Variants in AHRR observed in about 807,000 individuals in gnomAD.
The protein encoded by AHRR is ahR repressor.
Under a neutral mutation model 44.0 loss-of-function variants are expected in AHRR, and 28 were observed. That is an observed-to-expected ratio of 0.64 (90% CI 0.47 to 0.87). AHRR has a LOEUF of 0.87. AHRR is among the 40% of genes least tolerant of loss of function. AHRR has a pLI of 0.00. For synonymous variants in AHRR, 434 were observed against 407.0 expected, an observed-to-expected ratio of 1.07 and a Z score of -0.80; for missense variants, 990 against 953.9, an observed-to-expected ratio of 1.04 and a Z score of -0.50.
rs1464312840 is a variant in AHRR at position 340,697 on chromosome 5, T to A, written c.-10-3196T>A. On this transcript the variant is annotated intron_variant, in intron 1 of 10. Coordinates refer to ENST00000684583, the MANE Select transcript of AHRR (RefSeq NM_001377236.1). ...ATATATATATATATATATTTTTTTT[T>A]TTTTTTTTTTTTTTTTGAGTTGGAG... Among the ~76,000 whole-genome samples, 575 of 59,444 alleles carry A rather than the reference T, an allele frequency of 9.7e-3. 7 individuals carry two copies. Among genetic ancestry groups the A allele is most frequent in the Non-Finnish European group, 0.018 (454 of 25,380 alleles). The allele number at this position is 59,444 out of a possible 152,430, so 39.0% of individuals were successfully genotyped here.
intron 3 of AHRR, among the ~76,000 whole-genome samples, chr5:354,266 C>T (rs571237981): frequency 6.6e-6 from 1 of 152,338 alleles, no homozygotes; most frequent in East Asian, 1.9e-4. Context: ...CTGGGCCTCA[C>T]TGGGGCTTCC....
chr5:370,196 TGCCCCGTCCTCCCGGGCCCTCGCTGGAA>T lies in AHRR; in HGVS notation c.245-6387_245-6360del, dbSNP rs1163612761. 2.8e-3 allele frequency among the ~76,000 whole-genome samples: 106 copies of T among 37,844 alleles called. No homozygotes were observed. The highest frequency in any genetic ancestry group is 9.7e-3 in the African/African-American group (101 of 10,408). 24.8% of individuals were successfully genotyped at this position (37,844 alleles called of 152,430 possible). Reference sequence around the variant, plus strand: ...CCCCGTCCTCCCGGGCCCTCGCTGGTGCCCCGTCCTCCCGGGCCCTCGCTGGAAGCCCCGTCCTCCCGGGCCCTCGCTG... The same window carrying T: ...CCCCGTCCTCCCGGGCCCTCGCTGGTGCCCCGTCCTCCCGGGCCCTCGCTG... On this transcript the variant is annotated intron_variant, in intron 3 of 10. Coordinates refer to ENST00000684583, the MANE Select transcript of AHRR (RefSeq NM_001377236.1). The surrounding 1 kb of genome is among the most constrained non-coding windows in gnomAD (Gnocchi z 4.5).
At chr5:432,101 C>T (rs1354712585) in intron 8 of AHRR, 1 of 285,206 alleles carries the variant, frequency 3.5e-6, no homozygotes, top group Non-Finnish European at 6.7e-6. Context: ...GTGTTCACTT[C>T]CTGGAACATA....
Position 353,729 on chromosome 5 carries a change from G to A in AHRR, c.63-1G>A, listed in dbSNP as rs111551936. On this transcript the variant is annotated splice_acceptor_variant, in intron 2 of 10. Coordinates refer to ENST00000684583, the MANE Select transcript of AHRR (RefSeq NM_001377236.1). LOFTEE classifies it high-confidence loss of function. Reference sequence around the variant, plus strand: ...ACCTGACCCAGACCATCTCCCCACAGGAGGCCCGCCGTGGGGGCAGAGAAG... The same window carrying A: ...ACCTGACCCAGACCATCTCCCCACAAGAGGCCCGCCGTGGGGGCAGAGAAG... 6.8e-6 allele frequency: 11 copies of A among 1,606,078 alleles called. No individual in the cohort carries two copies. The highest frequency in any genetic ancestry group is 9.3e-6 in the Non-Finnish European group (11 of 1,177,828).
chr5:377,626 G>A (rs555878409), intron 4 of AHRR, among the ~76,000 whole-genome samples: 1 of 152,330 alleles, frequency 6.6e-6, no homozygotes, highest in African/African-American at 2.4e-5. Flanking sequence ...CAGTGCCTGG[G>A]AGGGGCTGCT....
At chr5:420,110 G>A (rs1343455611) in intron 5 of AHRR, among the ~76,000 whole-genome samples, 1 of 152,206 alleles carries the variant, frequency 6.6e-6, no homozygotes, top group Non-Finnish European at 1.5e-5. Context: ...TGAGGCTGCC[G>A]CCATAGAGCG....
chr5:399,721 G>A (rs986967661), intron 4 of AHRR, among the ~76,000 whole-genome samples: 4 of 152,346 alleles, frequency 2.6e-5, no homozygotes, highest in East Asian at 1.9e-4. Flanking sequence ...CCAGGACACC[G>A]GGTTAACCGA....
rs552315448 is a variant in AHRR at position 344,079 on chromosome 5, G to T, written c.62+115G>T. The T allele has an allele frequency of 3.5e-6, 4 of 1,138,868 alleles. No individual in the cohort carries two copies. The East Asian group carries it at 9.4e-5, about 27-fold the overall frequency. The allele number at this position is 1,138,868 out of a possible 1,614,324, so 70.5% of individuals were successfully genotyped here. ...AGGGCGAGCGAGGAAGGCTTCGGGAGCCGGGCGGGCCGGGGCTGAGCTCCG... is the reference window on the plus strand; with the variant it reads ...AGGGCGAGCGAGGAAGGCTTCGGGATCCGGGCGGGCCGGGGCTGAGCTCCG... On this transcript the variant is annotated intron_variant, in intron 2 of 10. Transcript: ENST00000684583.
chr5:436,334 GT>G lies in AHRR; in HGVS notation c.*1501del, dbSNP rs1477353630. On this transcript the variant is annotated 3_prime_UTR_variant, in exon 11 of 11. Coordinates refer to ENST00000684583, the MANE Select transcript of AHRR (RefSeq NM_001377236.1). ...CTCCTGTGTGGACGCCCTCTCTGTT[GT>G]CAGTGGCTTTGAGGTGTCAGTGCTT... is the stretch of plus-strand genomic sequence containing the variant. 6.6e-6 allele frequency: 1 copy of G among 152,568 alleles called. No homozygotes were observed. The highest frequency in any genetic ancestry group is 1.5e-5 in the Non-Finnish European group (1 of 68,160). The allele number at this position is 152,568 out of a possible 1,614,324, so 9.5% of individuals were successfully genotyped here. A position where few individuals can be genotyped will look rare whatever the true frequency, so the allele number is the denominator to read the frequency against.
chr5:341,100 C>T (rs1409798385), intron 1 of AHRR, among the ~76,000 whole-genome samples: 1 of 148,668 alleles, frequency 6.7e-6, no homozygotes, highest in African/African-American at 2.5e-5. Context: ...CTGCAAACTC[C>T]GCCTCCCAAG....
At chr5:428,583 A>G (rs1664732541) in intron 8 of AHRR, among the ~76,000 whole-genome samples, 1 of 152,146 alleles carries the variant, frequency 6.6e-6, no homozygotes, top group Non-Finnish European at 1.5e-5. Context: ...GTGGAAGACA[A>G]TTTTTCCACA....
chr5:412,653 CTG>C (rs947445726), intron 4 of AHRR, among the ~76,000 whole-genome samples: 1 of 151,140 alleles, frequency 6.6e-6, no homozygotes, highest in African/African-American at 2.4e-5. Context: ...TAAAGAAAAA[CTG>C]TGATTCTTTC....
intron 4 of AHRR, among the ~76,000 whole-genome samples, chr5:385,761 C>G (rs1443041781): frequency 2.6e-5 from 4 of 152,154 alleles, no homozygotes; most frequent in Non-Finnish European, 5.9e-5. Flanking sequence ...TCTTCTTGAA[C>G]CTGTTCATTT....
At chr5:325,608 C>A (rs1308725274) in intron 1 of AHRR, among the ~76,000 whole-genome samples, 1 of 152,104 alleles carries the variant, frequency 6.6e-6, no homozygotes, top group Non-Finnish European at 1.5e-5. Flanking sequence ...GAGGGCTGGA[C>A]CCTTCCGAAG....
chr5:400,061 G>C (rs760325959), intron 4 of AHRR, among the ~76,000 whole-genome samples: 1 of 152,202 alleles, frequency 6.6e-6, no homozygotes. Flanking sequence ...GCCCGCTCGC[G>C]TGACTAGCCG....
rs1440780661 is a variant in AHRR, at chr5:368,141, C to T, written c.245-8469C>T. Reference sequence around the variant, plus strand: ...CTCTGACAGCTGAGCTGGCACTCCTCGTTGATGTGAAAGTTGACAAGCGAG... The same window carrying T: ...CTCTGACAGCTGAGCTGGCACTCCTTGTTGATGTGAAAGTTGACAAGCGAG... On this transcript the variant is annotated intron_variant, in intron 3 of 10. Coordinates refer to ENST00000684583, the MANE Select transcript of AHRR (RefSeq NM_001377236.1). 1.2e-5 allele frequency: 7 copies of T among 593,068 alleles called. No homozygotes were observed. The Admixed American group carries it at 1.7e-4, about 15-fold the overall frequency. 36.7% of individuals were successfully genotyped at this position (593,068 alleles called of 1,614,324 possible).
At chr5:415,833 C>T (rs1006643415) in intron 5 of AHRR, among the ~76,000 whole-genome samples, 3 of 152,204 alleles carry the variant, frequency 2.0e-5, no homozygotes, top group Non-Finnish European at 2.9e-5. Context: ...CCTGAGGCTG[C>T]ACAGTTTTAT....
intron 4 of AHRR, among the ~76,000 whole-genome samples, chr5:385,041 G>C (rs2434692): frequency 6.6e-6 from 1 of 152,184 alleles, no homozygotes; most frequent in Non-Finnish European, 1.5e-5. Context: ...CTACTCAGGA[G>C]GCTGAGGCAG....
chr5:343,755 A>T, intron 1 of AHRR, 138 bp from the exon 2 acceptor site: 1 of 782,046 alleles, frequency 1.3e-6, no homozygotes, highest in Non-Finnish European at 2.0e-6. Flanking sequence ...GGGTCCCACG[A>T]GGAGGAGCAG....
Sources: allele counts gnomAD v4.1 joint callset (sites outside exome capture counted in the v4.1 genomes callset), GRCh38; gene constraint gnomAD v4.1.1; non-coding constraint Gnocchi (gnomAD v3.1); transcripts MANE v1.5; gene names NCBI Gene and HGNC (gene_info 2026-07-23, HGNC 2026-07-21).